EYS: variants seen among roughly 807,000 people sequenced by gnomAD.
EYS encodes EGF-like photoreceptor maintenance factor.
In EYS, 250 loss-of-function variants were observed where a neutral mutation model predicts 282.1. The ratio of observed to expected loss-of-function variants is 0.89; its 90% CI spans 0.80 to 0.98. The LOEUF (loss-of-function observed/expected upper bound fraction) is 0.98, where lower values mean the gene tolerates loss of function less well. Among genes scored for constraint, EYS ranks in the 50% least tolerant of loss-of-function variants. EYS has a pLI of 0.00. For synonymous variants in EYS, 1,355 were observed against 1,282.9 expected, an observed-to-expected ratio of 1.06 and a Z score of -1.20; for missense variants, 4,016 against 3,709.0, an observed-to-expected ratio of 1.08 and a Z score of -2.15.
intron 32 of EYS, among the ~76,000 whole-genome samples, chr6:64,070,053 A>C (rs1771517649): frequency 6.6e-6 from 1 of 152,112 alleles, no homozygotes; most frequent in Non-Finnish European, 1.5e-5. Context: ...TGGCCAAAGT[A>C]TAGGAAGTTC....
chr6:65,289,029 A>G (rs1272618367), intron 12 of EYS, among the ~76,000 whole-genome samples: 1 of 151,060 alleles, frequency 6.6e-6, no homozygotes, highest in African/African-American at 2.4e-5. Context: ...AATGGATGAA[A>G]CAAATAAAAA....
intron 35 of EYS, among the ~76,000 whole-genome samples, chr6:63,933,298 T>A (rs962626085): frequency 5.3e-5 from 8 of 152,156 alleles, no homozygotes; most frequent in African/African-American, 1.9e-4. Context: ...AGTGGCGCGA[T>A]CTTGGCTCAC....
intron 18 of EYS, among the ~76,000 whole-genome samples, chr6:64,889,411 C>G (rs140308960): frequency 6.6e-6 from 1 of 151,914 alleles, no homozygotes; most frequent in African/African-American, 2.4e-5. Context: ...GATTCTGACA[C>G]CTACCCATAA....
At chr6:64,875,158 G>A (rs1766706417) in intron 19 of EYS, among the ~76,000 whole-genome samples, 1 of 151,986 alleles carries the variant, frequency 6.6e-6, no homozygotes, top group East Asian at 1.9e-4. Flanking sequence ...CTTCCAAGAA[G>A]CCAGTTGTGT....
At chr6:64,586,774 T>C (rs2149828350) in intron 26 of EYS, among the ~76,000 whole-genome samples, 1 of 152,200 alleles carries the variant, frequency 6.6e-6, no homozygotes, top group South Asian at 2.1e-4. Context: ...AATTTAGAAG[T>C]TACAACTAAA....
At chr6:64,995,322 A>T (rs531085823) in intron 14 of EYS, among the ~76,000 whole-genome samples, 1 of 152,286 alleles carries the variant, frequency 6.6e-6, no homozygotes, top group South Asian at 2.1e-4. Context: ...GGAAGACTGT[A>T]CCTGCTTTAT....
intron 22 of EYS, among the ~76,000 whole-genome samples, chr6:64,802,369 T>G (rs1764273524): frequency 6.6e-6 from 1 of 152,176 alleles, no homozygotes; most frequent in Non-Finnish European, 1.5e-5. Flanking sequence ...AACAAATTTC[T>G]GAGTTTCATA....
chr6:63,803,263 T>C (rs1033758232), intron 37 of EYS, among the ~76,000 whole-genome samples: 5 of 151,990 alleles, frequency 3.3e-5, no homozygotes, highest in Admixed American at 1.3e-4. Context: ...TTTTTTTTTT[T>C]CAAATCAGAA....
intron 39 of EYS, 81 bp from the exon 40 acceptor site, chr6:63,778,261 AAGT>A: frequency 7.2e-7 from 1 of 1,389,120 alleles, no homozygotes; most frequent in Non-Finnish European, 9.9e-7. Context: ...TTCATTTTTA[AAGT>A]AGAAGTTTTT....
intron 5 of EYS, among the ~76,000 whole-genome samples, chr6:65,488,138 T>C (rs925954268): frequency 5.3e-5 from 8 of 152,154 alleles, no homozygotes; most frequent in African/African-American, 1.9e-4. Flanking sequence ...CCTGGATTCA[T>C]TGATTTTTTC....
chr6:64,034,540 G>A (rs1246216597), intron 33 of EYS, among the ~76,000 whole-genome samples: 2 of 152,110 alleles, frequency 1.3e-5, no homozygotes, highest in East Asian at 1.9e-4. Flanking sequence ...CTCCACATTG[G>A]AATATCCTGG....
chr6:64,265,081 TGAGA>T (rs1477114256), intron 30 of EYS, among the ~76,000 whole-genome samples: 1 of 113,468 alleles, frequency 8.8e-6, no homozygotes, highest in African/African-American at 2.8e-5. Context: ...TTTGTCATTC[TGAGA>T]GTTATGTTTA....
chr6:64,756,404 A>C (rs1170412335), intron 22 of EYS, among the ~76,000 whole-genome samples: 1 of 152,158 alleles, frequency 6.6e-6, no homozygotes, highest in Non-Finnish European at 1.5e-5. Context: ...CATTAGATGC[A>C]CATAGAATAT....
intron 8 of EYS, among the ~76,000 whole-genome samples, chr6:65,363,437 A>G (rs903135178): frequency 2.0e-5 from 3 of 151,916 alleles, no homozygotes; most frequent in Admixed American, 1.3e-4. Context: ...ATTTTTTGTT[A>G]CAGTTATATT....
At chr6:64,983,379 A>G (rs1367064451) in intron 14 of EYS, among the ~76,000 whole-genome samples, 1 of 151,284 alleles carries the variant, frequency 6.6e-6, no homozygotes, top group Non-Finnish European at 1.5e-5. Context: ...GGGTGAATAT[A>G]AGAAATGCGG....
intron 30 of EYS, among the ~76,000 whole-genome samples, chr6:64,298,935 A>G (rs1769132941): frequency 6.6e-6 from 1 of 152,238 alleles, no homozygotes; most frequent in Non-Finnish European, 1.5e-5. Context: ...TGTTAAAACC[A>G]AAGAAGGACA....
intron 2 of EYS, among the ~76,000 whole-genome samples, chr6:65,585,759 T>C (rs2127363975): frequency 1.3e-5 from 2 of 152,070 alleles, no homozygotes; most frequent in East Asian, 1.9e-4. Flanking sequence ...TAGAAAAGAT[T>C]AATAGAAGAT....
Position 64,792,350 on chromosome 6 carries a change from TA to T in EYS, c.3443+21027del, listed in dbSNP as rs1325274214. ...ATTTACAATCCAAATAATCAGGAAA[TA>T]TTTTTTTAGACATTTATAAATATTA... is the stretch of plus-strand genomic sequence containing the variant. On this transcript the variant is annotated intron_variant, in intron 22 of 42. Coordinates refer to ENST00000503581, the MANE Select transcript of EYS (RefSeq NM_001142800.2). 1.1e-4 allele frequency among the ~76,000 whole-genome samples: 17 copies of T among 151,934 alleles called. 1 individual carries two copies. Among genetic ancestry groups the T allele is most frequent in the Admixed American group, 3.3e-4 (5 of 15,242 alleles).
At chr6:65,258,891 A>C (rs1342769991) in intron 12 of EYS, among the ~76,000 whole-genome samples, 1 of 152,082 alleles carries the variant, frequency 6.6e-6, no homozygotes, top group Non-Finnish European at 1.5e-5. Context: ...ATCTCCCATA[A>C]AAGTATTTTT....
Sources: gnomAD v4.1 joint callset for allele counts (sites outside exome capture counted in the v4.1 genomes callset) on GRCh38, gnomAD v4.1.1 for gene constraint, MANE v1.5 for transcripts, NCBI Gene and HGNC (gene_info 2026-07-23, HGNC 2026-07-21) for gene names.